Variants in FANCB observed in about 807,000 individuals in gnomAD.
The protein encoded by FANCB is Fanconi anemia group B protein.
Under a neutral mutation model 38.9 loss-of-function variants are expected in FANCB, and 5 were observed. The observed-to-expected ratio is 0.13, with a 90% CI of 0.07 to 0.27. The LOEUF is 0.27. Ranked by LOEUF, FANCB falls within the 10% of genes least tolerant of loss-of-function variation. The pLI is 1.00. For synonymous variants in FANCB, 236 were observed against 215.4 expected, an observed-to-expected ratio of 1.10 and a Z score of -0.84; for missense variants, 573 against 602.7, an observed-to-expected ratio of 0.95 and a Z score of 0.52.
At chrX:14,736,179 G>A in the FANCB span, among the ~76,000 whole-genome samples, 1 of 111,064 alleles carries the variant, frequency 9.0e-6, no homozygotes, top group African/African-American at 3.3e-5. Context: ...GCTCCGTGGG[G>A]GTGGAATCTG....
the FANCB span, among the ~76,000 whole-genome samples, chrX:14,748,437 C>A: frequency 1.8e-5 from 2 of 112,397 alleles, no homozygotes; most frequent in African/African-American, 6.5e-5. Flanking sequence ...AGATTCCTGA[C>A]CCACAGCAAC....
the FANCB span, among the ~76,000 whole-genome samples, chrX:14,816,194 A>T: frequency 8.9e-6 from 1 of 112,626 alleles, no homozygotes; most frequent in African/African-American, 3.2e-5. Flanking sequence ...AATAAAATGT[A>T]CAAATATAAA....
At chrX:14,835,354 G>A, downstream of FANCB, 1 of 438,815 alleles carries the variant, frequency 2.3e-6, no homozygotes, top group Admixed American at 2.7e-5. Flanking sequence ...TGGGAGAGAA[G>A]GTGGACAGAG....
chrX:14,759,133 G>C, the FANCB span, among the ~76,000 whole-genome samples: 2 of 111,703 alleles, frequency 1.8e-5, no homozygotes, highest in African/African-American at 6.5e-5. Flanking sequence ...CCAGCTTGAA[G>C]ACAAGGCTTT....
the FANCB span, among the ~76,000 whole-genome samples, chrX:14,803,381 T>C: frequency 8.9e-6 from 1 of 112,534 alleles, no homozygotes; most frequent in Admixed American, 9.4e-5. Context: ...AAGACCTGTA[T>C]GTTGATTAGC....
At chrX:14,871,743 A>T (rs1008556437) in intron 1 of FANCB, among the ~76,000 whole-genome samples, 1 of 111,589 alleles carries the variant, frequency 9.0e-6, no homozygotes, top group Non-Finnish European at 1.9e-5. Context: ...TAAAACAAAT[A>T]AAACAGCATT....
the FANCB span, among the ~76,000 whole-genome samples, chrX:14,789,394 C>T: frequency 2.1e-4 from 23 of 111,574 alleles, no homozygotes; most frequent in Non-Finnish European, 5.6e-5. Context: ...GGCAGGAGAA[C>T]TGCTTAAGAC....
chrX:14,849,375 C>A (rs942011951), intron 7 of FANCB, among the ~76,000 whole-genome samples: 2 of 111,672 alleles, frequency 1.8e-5, no homozygotes, highest in Admixed American at 9.5e-5. Flanking sequence ...AAATCCATAT[C>A]TCAAACCCAC....
the FANCB span, among the ~76,000 whole-genome samples, chrX:14,699,017 G>T: frequency 8.9e-6 from 1 of 111,771 alleles, no homozygotes; most frequent in Admixed American, 9.5e-5. Flanking sequence ...ATCTTTTCTA[G>T]GTTTTGTAAA....
chrX:14,831,137 G>A (rs1445061329), downstream of FANCB, among the ~76,000 whole-genome samples: 1 of 111,886 alleles, frequency 8.9e-6, no homozygotes, highest in Non-Finnish European at 1.9e-5. Context: ...ACAAAGACTA[G>A]CCCCTTACTT....
At chrX:14,720,104 A>C in the FANCB span, among the ~76,000 whole-genome samples, 1 of 111,633 alleles carries the variant, frequency 9.0e-6, no homozygotes, top group Non-Finnish European at 1.9e-5. Context: ...CTACATAAGA[A>C]GAACAAGTTT....
the FANCB span, among the ~76,000 whole-genome samples, chrX:14,813,703 A>G: frequency 8.9e-6 from 1 of 111,981 alleles, no homozygotes; most frequent in Admixed American, 9.5e-5. Flanking sequence ...AGAACATTCC[A>G]TGCTCATGGA....
the FANCB span, among the ~76,000 whole-genome samples, chrX:14,695,365 A>G: frequency 8.9e-6 from 1 of 112,198 alleles, no homozygotes; most frequent in Non-Finnish European, 1.9e-5. Context: ...GGAAGATAAA[A>G]GAATGCATTT....
intron 9 of FANCB, 60 bp downstream of exon 9, chrX:14,844,443 C>T (rs963760505): frequency 3.7e-6 from 3 of 821,585 alleles, no homozygotes; most frequent in African/African-American, 4.0e-5. Context: ...TTGAACCACA[C>T]ATTGATCACA....
chrX:14,796,532 TTATA>T, the FANCB span, among the ~76,000 whole-genome samples: 1 of 98,199 alleles, frequency 1.0e-5, no homozygotes, highest in African/African-American at 3.7e-5. Context: ...ATATAATCTA[TTATA>T]TATGTTATAT....
the FANCB span, among the ~76,000 whole-genome samples, chrX:14,795,204 G>A: frequency 2.7e-5 from 3 of 111,934 alleles, no homozygotes; most frequent in Admixed American, 9.5e-5. Flanking sequence ...TACATCTCTG[G>A]AGAAAAGGCT....
chrX:14,771,449 T>C, the FANCB span, among the ~76,000 whole-genome samples: 2 of 111,663 alleles, frequency 1.8e-5, no homozygotes, highest in Non-Finnish European at 3.8e-5. Flanking sequence ...ATGATTGCAT[T>C]GTAAAGCTCT....
At chrX:14,812,791 G>A in the FANCB span, among the ~76,000 whole-genome samples, 21 of 111,364 alleles carry the variant, frequency 1.9e-4, no homozygotes, top group Admixed American at 1.8e-3. Flanking sequence ...CAGAAAAAGA[G>A]GGAATCCTCC....
chrX:14,809,250 G>A, the FANCB span, among the ~76,000 whole-genome samples: 3 of 112,630 alleles, frequency 2.7e-5, no homozygotes, highest in African/African-American at 3.2e-5. Context: ...CAGCGTGAGC[G>A]ACACAGAAGA....
Sources: gnomAD v4.1 joint callset for allele counts (sites outside exome capture counted in the v4.1 genomes callset) on GRCh38, gnomAD v4.1.1 for gene constraint, MANE v1.5 for transcripts, NCBI Gene and HGNC (gene_info 2026-07-23, HGNC 2026-07-21) for gene names.